PIK3R1: variants seen among roughly 807,000 people sequenced by gnomAD.
PIK3R1 encodes phosphatidylinositol 3-kinase regulatory subunit alpha.
PIK3R1 carries 29 observed loss-of-function variants against 98.0 expected under a neutral mutation model. That is an observed-to-expected ratio of 0.30 (90% confidence interval 0.22 to 0.40). PIK3R1 has a LOEUF of 0.40. PIK3R1 is among the 10% of genes least tolerant of loss of function. The pLI is 1.00. For missense variants in PIK3R1, 596 were observed against 872.7 expected, an observed-to-expected ratio of 0.68 and a Z score of 3.99; for synonymous variants, 282 against 311.8, an observed-to-expected ratio of 0.90 and a Z score of 1.01.
At chr5:68,276,728 A>T (rs895092464) in intron 4 of PIK3R1, among the ~76,000 whole-genome samples, 13 of 152,242 alleles carry the variant, frequency 8.5e-5, no homozygotes, top group Admixed American at 2.6e-4. Context: ...AGGTAAGGTT[A>T]CCCAAAGACC....
At chr5:68,275,156 C>T (rs192883666) in intron 4 of PIK3R1, among the ~76,000 whole-genome samples, 3 of 152,316 alleles carry the variant, frequency 2.0e-5, no homozygotes, top group Admixed American at 1.3e-4. Context: ...AAATGTTTAA[C>T]TCCATTTTTC....
rs1037452947 is a variant in PIK3R1, at chr5:68,300,409, C to A, written c.*2808C>A. 1.9e-4 allele frequency: 44 copies of A among 233,052 alleles called. No homozygotes were observed. Among genetic ancestry groups the A allele is most frequent in the African/African-American group, 8.6e-4 (39 of 45,450 alleles). The allele number at this position is 233,052 out of a possible 1,614,324, so 14.4% of individuals were successfully genotyped here. On this transcript the variant is annotated 3_prime_UTR_variant, in exon 16 of 16. Transcript: ENST00000521381. ...AATATGAATAGATACAGCAGAGGCA[C>A]TCCTGATATATGATTTTTATCCATG...
intron 2 of PIK3R1, among the ~76,000 whole-genome samples, 158 bp downstream of exon 2, chr5:68,227,167 A>G (rs895906379): frequency 3.3e-5 from 5 of 152,232 alleles, no homozygotes; most frequent in African/African-American, 1.2e-4. Context: ...CAATCATTAC[A>G]CAACTAGAAA....
chr5:68,290,529 T>C, intron 7 of PIK3R1: 1 of 562,890 alleles, frequency 1.8e-6, no homozygotes, highest in Non-Finnish European at 2.8e-6. Flanking sequence ...GTTGGCATTA[T>C]GTTAAGGCTG....
At chr5:68,282,488 G>T (rs939782989) in intron 7 of PIK3R1, among the ~76,000 whole-genome samples, 1 of 152,104 alleles carries the variant, frequency 6.6e-6, no homozygotes, top group Non-Finnish European at 1.5e-5. Context: ...AGCCAGACAG[G>T]GTTTGACAGA....
chr5:68,263,155 A>G (rs951420595), intron 2 of PIK3R1, among the ~76,000 whole-genome samples: 3 of 146,582 alleles, frequency 2.0e-5, no homozygotes, highest in African/African-American at 7.4e-5. Context: ...TTATATATGT[A>G]CATATATCTA....
chr5:68,244,091 G>C (rs1290972939), intron 2 of PIK3R1, among the ~76,000 whole-genome samples: 2 of 152,094 alleles, frequency 1.3e-5, no homozygotes, highest in Non-Finnish European at 2.9e-5. Flanking sequence ...TTTATCCAGG[G>C]CAAACCAGAA....
intron 15 of PIK3R1, 101 bp downstream of exon 15, chr5:68,296,442 G>T: frequency 3.5e-6 from 4 of 1,137,294 alleles, no homozygotes; most frequent in Non-Finnish European, 3.8e-6. Context: ...CATAGTTTTA[G>T]TCTTGAATAA....
In PIK3R1 at chr5:68,239,911, C is replaced by T. The variant is rs1361626788; in HGVS notation, c.334+12902C>T. 6.0e-6 allele frequency: 3 copies of T among 501,694 alleles called. No homozygotes were observed. The East Asian group carries it at 1.4e-4, about 23-fold the overall frequency. 31.1% of individuals were successfully genotyped at this position (501,694 alleles called of 1,614,324 possible). A position where few individuals can be genotyped will look rare whatever the true frequency, so the allele number is the denominator to read the frequency against. ...TTACTATTCCTTACAGCAAAAGAAC[C>T]TCATCAGAACCGCAGGCTGGAAAGA... On this transcript the variant is annotated intron_variant, in intron 2 of 15. Transcript: ENST00000521381.
At chr5:68,249,786 A>T (rs1164429957) in intron 2 of PIK3R1, among the ~76,000 whole-genome samples, 1 of 152,166 alleles carries the variant, frequency 6.6e-6, no homozygotes, top group Non-Finnish European at 1.5e-5. Context: ...GGGCGTTAAC[A>T]TAGATACTTT....
intron 2 of PIK3R1, among the ~76,000 whole-genome samples, chr5:68,252,826 A>G (rs1361659322): frequency 6.6e-6 from 1 of 152,186 alleles, no homozygotes; most frequent in African/African-American, 2.4e-5. Context: ...GCTCTTAGCA[A>G]CTTTGCTAAG....
chr5:68,248,853 A>G (rs1184869259), intron 2 of PIK3R1, among the ~76,000 whole-genome samples: 1 of 152,224 alleles, frequency 6.6e-6, no homozygotes, highest in Non-Finnish European at 1.5e-5. Context: ...GTAGAGCATA[A>G]TAAAAGCAAA....
intron 2 of PIK3R1, among the ~76,000 whole-genome samples, chr5:68,256,658 C>G (rs1441339602): frequency 6.6e-6 from 1 of 151,988 alleles, no homozygotes; most frequent in Non-Finnish European, 1.5e-5. Flanking sequence ...CCAGAATGAC[C>G]ATCTAGTCTC....
intron 1 of PIK3R1, among the ~76,000 whole-genome samples, chr5:68,217,035 G>A (rs944439993): frequency 3.3e-5 from 5 of 152,278 alleles, no homozygotes; most frequent in Admixed American, 2.0e-4. Flanking sequence ...CAGCGCTGTT[G>A]GTGTCCGAGT....
chr5:68,238,877 T>C (rs1744768960), intron 2 of PIK3R1, among the ~76,000 whole-genome samples: 1 of 152,154 alleles, frequency 6.6e-6, no homozygotes, highest in Admixed American at 6.5e-5. Context: ...GGCATTTCTA[T>C]TTAAGAATAA....
chr5:68,276,704 T>C (rs1412220133), intron 4 of PIK3R1, among the ~76,000 whole-genome samples: 2 of 152,198 alleles, frequency 1.3e-5, no homozygotes, highest in East Asian at 3.9e-4. Flanking sequence ...CTAGCTCTAG[T>C]AGAATTTGAC....
At chr5:68,285,481 A>G (rs1298840918) in intron 7 of PIK3R1, among the ~76,000 whole-genome samples, 1 of 152,242 alleles carries the variant, frequency 6.6e-6, no homozygotes, top group Non-Finnish European at 1.5e-5. Flanking sequence ...AAGGTGAAAA[A>G]TGAAACTTTG....
intron 2 of PIK3R1, among the ~76,000 whole-genome samples, chr5:68,265,897 C>T (rs1038416915): frequency 6.6e-6 from 1 of 152,170 alleles, no homozygotes; most frequent in African/African-American, 2.4e-5. Flanking sequence ...GAAAAAACCC[C>T]CTACTCTCTA....
chr5:68,283,124 A>G (rs1412324167), intron 7 of PIK3R1, among the ~76,000 whole-genome samples: 1 of 152,262 alleles, frequency 6.6e-6, no homozygotes, highest in Non-Finnish European at 1.5e-5. Flanking sequence ...TTGCCACAGC[A>G]TGTGCTAGTA....
Sources: allele counts gnomAD v4.1 joint callset (sites outside exome capture counted in the v4.1 genomes callset), GRCh38; gene constraint gnomAD v4.1.1; transcripts MANE v1.5; gene names NCBI Gene and HGNC (gene_info 2026-07-23, HGNC 2026-07-21).